Variants in BBS9 observed in about 807,000 individuals in gnomAD.
BBS9 encodes protein PTHB1.
A neutral mutation model predicts 117.7 loss-of-function variants in BBS9; 89 were observed. The observed-to-expected ratio is 0.76, with a 90% CI of 0.64 to 0.90. The LOEUF is 0.90. Among genes scored for constraint, BBS9 ranks in the 40% least tolerant of loss-of-function variants. The pLI, the probability that BBS9 is intolerant of heterozygous loss-of-function variation, is 0.00. For synonymous variants in BBS9, 379 were observed against 370.9 expected (o/e 1.02, Z -0.25); for missense variants, 982 against 1,042.2 (o/e 0.94, Z 0.80).
At chr7:33,137,842 A>C (rs1052863769) in intron 1 of BBS9, among the ~76,000 whole-genome samples, 3 of 152,196 alleles carry the variant, frequency 2.0e-5, no homozygotes, top group African/African-American at 7.2e-5. Context: ...ACAAACATAC[A>C]AGATGTTTAT....
chr7:33,605,858 T>C lies in BBS9; in HGVS notation c.*632T>C, dbSNP rs375638189. The C allele has an allele frequency of 6.5e-6, 1 of 153,400 alleles. No homozygotes were observed. Among genetic ancestry groups the C allele is most frequent in the South Asian group, 2.1e-4 (1 of 4,876 alleles). The allele number at this position is 153,400 out of a possible 1,614,324, so 9.5% of individuals were successfully genotyped here. ...AGTATTGTATGAAAATGTTTAAATA[T>C]TTTCAAGGAAGCTAGTACATTAACA... On this transcript the variant is annotated 3_prime_UTR_variant, in exon 23 of 23. Transcript: ENST00000242067.
intron 5 of BBS9, among the ~76,000 whole-genome samples, chr7:33,226,794 A>G (rs1436995113): frequency 1.3e-5 from 2 of 152,332 alleles, no homozygotes; most frequent in Admixed American, 6.5e-5. Context: ...CACAAAAAAG[A>G]CAAATATTGT....
At chr7:33,550,166 T>C (rs1854149973) in intron 21 of BBS9, among the ~76,000 whole-genome samples, 2 of 152,228 alleles carry the variant, frequency 1.3e-5, no homozygotes, top group African/African-American at 2.4e-5. Context: ...CCTGTTTCTT[T>C]TCCTTCAAGT....
chr7:33,464,792 G>A (rs987915667), intron 19 of BBS9, among the ~76,000 whole-genome samples: 9 of 151,762 alleles, frequency 5.9e-5, no homozygotes, highest in African/African-American at 2.2e-4. Flanking sequence ...ACATTTTACA[G>A]ATGAGGAAAT....
At chr7:33,137,269 G>T (rs1790646916) in intron 1 of BBS9, among the ~76,000 whole-genome samples, 1 of 152,228 alleles carries the variant, frequency 6.6e-6, no homozygotes, top group African/African-American at 2.4e-5. Flanking sequence ...GGAGTTGGGA[G>T]AGGCCAGGGA....
chr7:33,527,284 A>T (rs1849715247), intron 20 of BBS9, among the ~76,000 whole-genome samples: 1 of 152,092 alleles, frequency 6.6e-6, no homozygotes, highest in African/African-American at 2.4e-5. Context: ...CCCCAGTTCG[A>T]GCTTCCTGGC....
intron 19 of BBS9, among the ~76,000 whole-genome samples, chr7:33,408,381 T>C (rs1057445856): frequency 1.3e-5 from 2 of 152,136 alleles, no homozygotes; most frequent in Admixed American, 1.3e-4. Flanking sequence ...CCTGACCCCT[T>C]GCACTTCCCG....
intron 5 of BBS9, among the ~76,000 whole-genome samples, chr7:33,191,380 G>T (rs1354255812): frequency 1.3e-5 from 2 of 152,184 alleles, no homozygotes; most frequent in African/African-American, 4.8e-5. Flanking sequence ...AATATATAAA[G>T]GGGTCACCTT....
intron 19 of BBS9, among the ~76,000 whole-genome samples, chr7:33,405,322 C>G (rs1008146732): frequency 2.6e-5 from 4 of 152,110 alleles, no homozygotes; most frequent in African/African-American, 9.7e-5. Flanking sequence ...GGTTGTGTCT[C>G]TGCCCGGCTT....
intron 21 of BBS9, among the ~76,000 whole-genome samples, chr7:33,628,678 T>C (rs1354827967): frequency 6.6e-6 from 1 of 152,212 alleles, no homozygotes; most frequent in Non-Finnish European, 1.5e-5. Flanking sequence ...CTAGAGATGC[T>C]ATCCAGTGCA....
At chr7:33,464,565 T>A (rs1288530039) in intron 19 of BBS9, among the ~76,000 whole-genome samples, 1 of 152,084 alleles carries the variant, frequency 6.6e-6, no homozygotes, top group African/African-American at 2.4e-5. Flanking sequence ...AATGAAAATG[T>A]AATAACATCT....
At chr7:33,458,690 A>G (rs968920648) in intron 19 of BBS9, among the ~76,000 whole-genome samples, 1 of 152,150 alleles carries the variant, frequency 6.6e-6, no homozygotes, top group Non-Finnish European at 1.5e-5. Context: ...CTGTTTGTAA[A>G]CAGGTGTTTG....
intron 5 of BBS9, among the ~76,000 whole-genome samples, chr7:33,253,537 G>A (rs1222631787): frequency 3.3e-5 from 5 of 152,150 alleles, no homozygotes; most frequent in East Asian, 1.9e-4. Context: ...GCTTGAACCC[G>A]GGAGGAGGAG....
chr7:33,437,610 A>G (rs145614375), intron 19 of BBS9, among the ~76,000 whole-genome samples: 1 of 152,184 alleles, frequency 6.6e-6, no homozygotes, highest in Non-Finnish European at 1.5e-5. Context: ...GCAGTGCCTC[A>G]TGCCTGTAAT....
chr7:33,411,830 GT>G (rs1220674858), intron 19 of BBS9, among the ~76,000 whole-genome samples: 1 of 152,068 alleles, frequency 6.6e-6, no homozygotes, highest in Non-Finnish European at 1.5e-5. Flanking sequence ...CTGTGTAGGG[GT>G]CTTTATGATT....
At chr7:33,416,609 C>T (rs893551116) in intron 19 of BBS9, among the ~76,000 whole-genome samples, 3 of 152,008 alleles carry the variant, frequency 2.0e-5, no homozygotes, top group Non-Finnish European at 4.4e-5. Context: ...GTGTGCCAGA[C>T]CACTAAGCTG....
intron 20 of BBS9, among the ~76,000 whole-genome samples, chr7:33,519,377 G>A (rs916490206): frequency 6.6e-6 from 1 of 152,302 alleles, no homozygotes; most frequent in African/African-American, 2.4e-5. Flanking sequence ...GCTGCTCCAA[G>A]TATTCTCAAT....
intron 3 of BBS9, among the ~76,000 whole-genome samples, chr7:33,153,397 T>G (rs1793649033): frequency 6.6e-6 from 1 of 152,226 alleles, no homozygotes; most frequent in Admixed American, 6.5e-5. Flanking sequence ...GAACTTTGGG[T>G]AATATGTCTG....
chr7:33,611,785 T>A (rs933080955), intron 21 of BBS9, among the ~76,000 whole-genome samples: 21 of 139,794 alleles, frequency 1.5e-4, no homozygotes, highest in Non-Finnish European at 3.2e-4. Context: ...TATAATAATA[T>A]TATATATGGT....
Sources: gnomAD v4.1 joint callset for allele counts (sites outside exome capture counted in the v4.1 genomes callset) on GRCh38, gnomAD v4.1.1 for gene constraint, MANE v1.5 for transcripts, NCBI Gene and HGNC (gene_info 2026-07-23, HGNC 2026-07-21) for gene names.